The following ACYP1 variants were observed in gnomAD, a reference collection of about 807,000 sequenced individuals.
ACYP1 encodes acylphosphatase 1, also known as acylphosphatase-1.
In ACYP1, 8 loss-of-function variants were observed where a neutral mutation model predicts 10.4. That is an observed-to-expected ratio of 0.77 (90% CI 0.45 to 1.38). The LOEUF (loss-of-function observed/expected upper bound fraction) is 1.38. Ranked by LOEUF, ACYP1 falls within the 40% of genes most tolerant of loss-of-function variation. The pLI, the probability that ACYP1 is intolerant of heterozygous loss-of-function variation, is 0.00. For synonymous variants in ACYP1, 38 were observed against 40.8 expected, an observed-to-expected ratio of 0.93 and a Z score of 0.26; for missense variants, 93 against 117.3, an observed-to-expected ratio of 0.79 and a Z score of 0.96.
chr14:75,069,123 C>A, intron 1 of ACYP1: 1 of 1,295,674 alleles, frequency 7.7e-7, no homozygotes, highest in African/African-American at 1.6e-5. Context: ...AAAACTACCA[C>A]GGAAAGATAC....
In ACYP1 at chr14:75,063,686, G is replaced by A. The variant is rs566994293; in HGVS notation, c.-8-125C>T. On this transcript the variant is annotated intron_variant, in intron 1 of 2. Coordinates refer to ENST00000238618, the MANE Select transcript of ACYP1 (RefSeq NM_001107.5). ...CATTGCGACCTCTCCCCGACTTCAA[G>A]GTCCTGGAAATGGAAACGTGAGTGG... The A allele has an allele frequency of 1.5e-3, 1,197 of 797,164 alleles. 3 individuals carry two copies. Among genetic ancestry groups the A allele is most frequent in the Non-Finnish European group, 2.2e-3 (1,096 of 501,700 alleles). The allele number at this position is 797,164 out of a possible 1,614,324, so 49.4% of individuals were successfully genotyped here.
At chr14:75,065,873 T>G (rs192022438), upstream of ACYP1, among the ~76,000 whole-genome samples, 1 of 152,326 alleles carries the variant, frequency 6.6e-6, no homozygotes, top group East Asian at 1.9e-4. Context: ...GGGATTTGGT[T>G]CCAGAGTCAA....
intron 2 of ACYP1, among the ~76,000 whole-genome samples, chr14:75,059,117 G>A (rs555513651): frequency 4.0e-4 from 60 of 150,528 alleles, no homozygotes; most frequent in African/African-American, 1.4e-3. Flanking sequence ...CCCTGGAGGC[G>A]GAAGGTTGCA....
upstream of ACYP1, chr14:75,064,112 G>T: frequency 1.1e-6 from 1 of 881,952 alleles, no homozygotes; most frequent in Non-Finnish European, 1.4e-6. Flanking sequence ...CAGAGACGGC[G>T]CCTCGGCCCG....
At chr14:75,062,513 C>G (rs1893049047) in intron 2 of ACYP1, among the ~76,000 whole-genome samples, 1 of 151,780 alleles carries the variant, frequency 6.6e-6, no homozygotes, top group Non-Finnish European at 1.5e-5. Flanking sequence ...GAATGAGACA[C>G]TTAAGAAGTT....
intron 2 of ACYP1, among the ~76,000 whole-genome samples, chr14:75,059,175 T>TC (rs1892957787): frequency 3.6e-5 from 2 of 55,848 alleles, no homozygotes; most frequent in African/African-American, 1.4e-4. Context: ...AGACTCTGTC[T>TC]TAAAAAAAAA....
chr14:75,068,876 T>C (rs1261710741), upstream of ACYP1, among the ~76,000 whole-genome samples: 1 of 152,212 alleles, frequency 6.6e-6, no homozygotes, highest in African/African-American at 2.4e-5. Flanking sequence ...GAACTGCCTG[T>C]TCCAAACGGC....
intron 2 of ACYP1, 99 bp from the exon 3 acceptor site, chr14:75,053,758 G>T: frequency 9.0e-7 from 1 of 1,111,532 alleles, no homozygotes. Context: ...TCAAGCCACT[G>T]AAACTAATTT....
intron 2 of ACYP1, among the ~76,000 whole-genome samples, chr14:75,062,097 G>T (rs1893031598): frequency 5.5e-5 from 1 of 18,204 alleles, no homozygotes; most frequent in African/African-American, 2.5e-4. Context: ...ATGAAACTCT[G>T]TCTCAAAAAA....
chr14:75,062,770 T>C (rs1035648547), intron 2 of ACYP1, among the ~76,000 whole-genome samples: 5 of 151,612 alleles, frequency 3.3e-5, no homozygotes, highest in Admixed American at 2.0e-4. Context: ...AGAGGGTAAA[T>C]TGAGCTTGCA....
upstream of ACYP1, among the ~76,000 whole-genome samples, chr14:75,066,149 C>T (rs1306854096): frequency 6.6e-6 from 1 of 152,152 alleles, no homozygotes; most frequent in East Asian, 1.9e-4. Flanking sequence ...GGAGGCAAAA[C>T]TGAAAAGGTA....
chr14:75,055,884 A>G (rs184211537), intron 2 of ACYP1, among the ~76,000 whole-genome samples: 24 of 151,808 alleles, frequency 1.6e-4, no homozygotes, highest in Admixed American at 1.5e-3. Flanking sequence ...AGACTGATAA[A>G]GAAAAACGGA....
upstream of ACYP1, among the ~76,000 whole-genome samples, chr14:75,066,559 A>G (rs1216056468): frequency 2.0e-5 from 3 of 152,196 alleles, no homozygotes; most frequent in Non-Finnish European, 4.4e-5. Context: ...CATATATGAG[A>G]GACATTGCAG....
At chr14:75,067,762 C>T (rs76738275), upstream of ACYP1, among the ~76,000 whole-genome samples, 1,250 of 151,686 alleles carry the variant, frequency 8.2e-3, 22 homozygotes, top group African/African-American at 0.028. Flanking sequence ...GAGACTGAGG[C>T]GGGAGGATCT....
chr14:75,066,181 T>C (rs547920586), upstream of ACYP1, among the ~76,000 whole-genome samples: 14 of 152,156 alleles, frequency 9.2e-5, no homozygotes, highest in South Asian at 2.9e-3. Context: ...ATCTGGGAGG[T>C]AGAGATGCCA....
chr14:75,061,662 A>T (rs1344584611), intron 2 of ACYP1: 1 of 1,534,968 alleles, frequency 6.5e-7, no homozygotes, highest in South Asian at 1.2e-5. Flanking sequence ...TATCTCAATC[A>T]CCTTAATTTA....
At chr14:75,064,463 T>C (rs1394317717), upstream of ACYP1, 4 of 152,142 alleles carry the variant, frequency 2.6e-5, no homozygotes, top group Admixed American at 2.6e-4. Flanking sequence ...ACATTAAACA[T>C]CATAAATAGC....
intron 1 of ACYP1, 125 bp downstream of exon 1, chr14:75,063,829 T>C (rs1045342908): frequency 1.2e-5 from 9 of 760,372 alleles, no homozygotes; most frequent in Non-Finnish European, 1.6e-5. Context: ...CCTCCTTACA[T>C]CCATGCCCGG....
intron 2 of ACYP1, among the ~76,000 whole-genome samples, chr14:75,062,120 A>AAAAAG (rs1566620219): frequency 1.4e-4 from 21 of 147,918 alleles, no homozygotes; most frequent in African/African-American, 4.8e-4. Context: ...AAAAAAAAAA[A>AAAAAG]AAAAGAAAAG....
Sources: allele counts gnomAD v4.1 joint callset (sites outside exome capture counted in the v4.1 genomes callset), GRCh38; gene constraint gnomAD v4.1.1; transcripts MANE v1.5; gene names NCBI Gene and HGNC (gene_info 2026-07-23, HGNC 2026-07-21).